TTC7B: variants seen among roughly 807,000 people sequenced by gnomAD.
The protein encoded by TTC7B is tetratricopeptide repeat domain 7B, also known as tetratricopeptide repeat protein 7B.
TTC7B carries 28 observed loss-of-function variants against 106.8 expected under a neutral mutation model. The ratio of observed to expected loss-of-function variants is 0.26; its 90% CI spans 0.19 to 0.36. The LOEUF is 0.36. Ranked by LOEUF, TTC7B falls within the 10% of genes least tolerant of loss-of-function variation. TTC7B has a pLI of 1.00. For missense variants in TTC7B, 862 were observed against 1,076.4 expected (o/e 0.80, Z 2.79); for synonymous variants, 405 against 430.6 (o/e 0.94, Z 0.74).
At position 90,750,064 on chromosome 14, in the gene TTC7B, T is replaced by A. The variant is rs750776212; in HGVS notation, c.446-5142A>T. Among the ~76,000 whole-genome samples the A allele has an allele frequency of 2.0e-5, 3 of 152,334 alleles. No homozygotes were observed. In the South Asian group the frequency reaches 6.2e-4, roughly 32 times the overall value. On this transcript the variant is annotated intron_variant, in intron 3 of 19. Transcript: ENST00000328459. ...CTGTTATAACCTCTTGACATTTTCA[T>A]TGGAAGAGAATATAAATAAAATGAA... is the stretch of plus-strand genomic sequence containing the variant.
chr14:90,670,547 G>T (rs946925807), intron 9 of TTC7B, among the ~76,000 whole-genome samples: 1 of 152,102 alleles, frequency 6.6e-6, no homozygotes, highest in African/African-American at 2.4e-5. Context: ...AAACCATGAG[G>T]TATATACCTA....
chr14:90,734,696 G>A (rs1170851921), intron 4 of TTC7B, among the ~76,000 whole-genome samples: 2 of 152,152 alleles, frequency 1.3e-5, no homozygotes, highest in Non-Finnish European at 2.9e-5. Context: ...AGCTCTCAGA[G>A]TTCTCTGAGA....
intron 4 of TTC7B, among the ~76,000 whole-genome samples, chr14:90,739,606 T>C (rs765610505): frequency 7.2e-5 from 11 of 152,218 alleles, no homozygotes; most frequent in Admixed American, 2.6e-4. Flanking sequence ...ACTGTAATAT[T>C]TGGGGACCTG....
intron 7 of TTC7B, 40 bp downstream of exon 7, chr14:90,689,500 C>T: frequency 6.4e-7 from 1 of 1,559,432 alleles, no homozygotes. Flanking sequence ...AGTTTTCCTC[C>T]CAACCCATAA....
intron 18 of TTC7B, among the ~76,000 whole-genome samples, chr14:90,588,868 C>A (rs1225408512): frequency 1.3e-4 from 13 of 98,972 alleles, no homozygotes; most frequent in Admixed American, 3.3e-4. Flanking sequence ...TAAAAAACGG[C>A]AAAAGACAAA....
chr14:90,654,897 C>A, intron 12 of TTC7B, 96 bp downstream of exon 12: 1 of 1,011,142 alleles, frequency 9.9e-7, no homozygotes, highest in South Asian at 1.4e-5. Flanking sequence ...CTTCTGCACC[C>A]TCCTGAGACA....
At chr14:90,592,810 C>T (rs1184594092) in intron 18 of TTC7B, among the ~76,000 whole-genome samples, 1 of 152,004 alleles carries the variant, frequency 6.6e-6, no homozygotes, top group Non-Finnish European at 1.5e-5. Context: ...GGGGAAGGGG[C>T]ACTCATGCCC....
chr14:90,701,725 T>C (rs1243517696), intron 5 of TTC7B, among the ~76,000 whole-genome samples: 3 of 150,614 alleles, frequency 2.0e-5, no homozygotes, highest in African/African-American at 7.4e-5. Context: ...CACACAAATA[T>C]ATATTTCTCT....
chr14:90,712,022 T>C (rs1250593129), intron 5 of TTC7B, among the ~76,000 whole-genome samples: 2 of 151,572 alleles, frequency 1.3e-5, no homozygotes, highest in East Asian at 3.9e-4. Context: ...GACACTTTAA[T>C]TCAAAGACAC....
At chr14:90,709,050 G>A (rs1595304563) in intron 5 of TTC7B, among the ~76,000 whole-genome samples, 1 of 151,674 alleles carries the variant, frequency 6.6e-6, no homozygotes, top group Admixed American at 6.6e-5. Context: ...GTGCTGGAGA[G>A]GATGTGGAGA....
At chr14:90,793,725 C>T (rs1891669533) in intron 1 of TTC7B, among the ~76,000 whole-genome samples, 2 of 151,290 alleles carry the variant, frequency 1.3e-5, no homozygotes. Flanking sequence ...TCTCCTGCCT[C>T]AGCCTCCCGA....
chr14:90,686,431 T>C (rs897514116), intron 7 of TTC7B, among the ~76,000 whole-genome samples: 4 of 152,216 alleles, frequency 2.6e-5, no homozygotes, highest in African/African-American at 9.7e-5. Flanking sequence ...AGGATATCCA[T>C]GCTTGCCACT....
At chr14:90,671,837 A>G (rs1886645812) in intron 9 of TTC7B, among the ~76,000 whole-genome samples, 1 of 152,236 alleles carries the variant, frequency 6.6e-6, no homozygotes, top group Non-Finnish European at 1.5e-5. Flanking sequence ...TGGTGCACAC[A>G]GAGGCGGCCG....
chr14:90,558,327 C>T (rs1451572339), intron 19 of TTC7B, among the ~76,000 whole-genome samples: 2 of 152,248 alleles, frequency 1.3e-5, no homozygotes, highest in East Asian at 1.9e-4. Context: ...CGACCCCAGG[C>T]CAAAGTCCCA....
Position 90,676,632 on chromosome 14 carries a change from A to G in TTC7B, c.1043T>C (p.Ile348Thr), listed in dbSNP as rs1293233972. 2 of 1,614,038 alleles carry G rather than the reference A, an allele frequency of 1.2e-6. No homozygotes were observed. Among genetic ancestry groups the G allele is most frequent in the Non-Finnish European group, 1.7e-6 (2 of 1,180,028 alleles). Residue 348 changes from isoleucine to threonine, a missense_variant, in exon 9 of 20, where the codon ATA (isoleucine) becomes ACA (threonine). Coordinates refer to ENST00000328459, the MANE Select transcript of TTC7B (RefSeq NM_001010854.2). ...MANRDAVLSR[I>T]PEHKSDRLIS... ...GAGGCGGTCACTCTTGTGTTCAGGT[A>G]TCCTGCTCAGCACAGCGTCCCGGTT... is the stretch of plus-strand genomic sequence containing the variant.
In TTC7B at chr14:90,608,455, G is replaced by A. The variant is rs573650101; in HGVS notation, c.1966+2287C>T. ...GCGTGGATGACTCAACAATGAAACC[G>A]TCTGTGGCAGTGCCTGGGAGGCTGT... On this transcript the variant is annotated intron_variant, in intron 17 of 19. Transcript: ENST00000328459. The surrounding 1 kb of genome is among the most constrained non-coding windows in gnomAD (Gnocchi z 5.1). Among the ~76,000 whole-genome samples, 31 of 152,260 alleles carry A rather than the reference G, an allele frequency of 2.0e-4. No individual in the cohort carries two copies. The highest frequency in any genetic ancestry group is 3.4e-3 in the Middle Eastern group (1 of 294).
At chr14:90,552,265 G>T (rs564774905) in intron 19 of TTC7B, among the ~76,000 whole-genome samples, 38 of 152,362 alleles carry the variant, frequency 2.5e-4, no homozygotes, top group Non-Finnish European at 4.6e-4. Flanking sequence ...TCAAGAGCAA[G>T]TTGAAGGACC....
intron 16 of TTC7B, among the ~76,000 whole-genome samples, chr14:90,617,206 T>C (rs1893120460): frequency 6.6e-6 from 1 of 152,174 alleles, no homozygotes; most frequent in Non-Finnish European, 1.5e-5. Flanking sequence ...AAACTGATAA[T>C]AAAGCAAGTG....
chr14:90,542,174 C>T (rs1270489764), intron 19 of TTC7B, among the ~76,000 whole-genome samples: 4 of 152,056 alleles, frequency 2.6e-5, no homozygotes, highest in Admixed American at 2.0e-4. Context: ...CTCCTGACCT[C>T]GTGATCTGCC....
Sources: allele counts gnomAD v4.1 joint callset (sites outside exome capture counted in the v4.1 genomes callset), GRCh38; gene constraint gnomAD v4.1.1; non-coding constraint Gnocchi (gnomAD v3.1); transcripts MANE v1.5; gene names NCBI Gene and HGNC (gene_info 2026-07-23, HGNC 2026-07-21).